The following PTPRU variants were observed in gnomAD, a reference collection of about 807,000 sequenced individuals.
PTPRU encodes the protein protein tyrosine phosphatase receptor type U.
A neutral mutation model predicts 166.3 loss-of-function variants in PTPRU; 69 were observed. The ratio of observed to expected loss-of-function variants is 0.41; its 90% CI spans 0.34 to 0.51. The LOEUF (loss-of-function observed/expected upper bound fraction) is 0.51. Among genes scored for constraint, PTPRU ranks in the 20% least tolerant of loss-of-function variants. The pLI is 0.09. For missense variants in PTPRU, 1,657 were observed against 2,013.7 expected (o/e 0.82, Z 3.39); for synonymous variants, 793 against 814.0 (o/e 0.97, Z 0.44).
intron 15 of PTPRU, among the ~76,000 whole-genome samples, chr1:29,299,904 C>T (rs1687060696): frequency 6.6e-6 from 1 of 152,110 alleles, no homozygotes. Flanking sequence ...TTTTAGGTCC[C>T]AGACCCAAGA....
intron 7 of PTPRU, among the ~76,000 whole-genome samples, chr1:29,270,941 C>T (rs1685533411): frequency 6.6e-6 from 1 of 152,150 alleles, no homozygotes; most frequent in Non-Finnish European, 1.5e-5. Flanking sequence ...GACAGTGAGA[C>T]TGTGTCTCAA....
In PTPRU at chr1:29,304,036, G is replaced by C. The variant is rs143923802; in HGVS notation, c.2658G>C (p.Gln886His). ...MKTAEGYGFK[Q>H]EYESFFEGWD... The stretch of plus-strand genomic sequence containing the variant: ...CGGCCGAGGGTTACGGCTTCAAGCA[G>C]GAGTATGAGGTGCACGCCGGCCCCG... Residue 886 changes from glutamine (Q) to histidine (H), a missense_variant, in exon 16 of 30, where the codon CAG (glutamine) becomes CAC (histidine). Physicochemically the swap from Gln to His is conservative, Grantham distance 24 (BLOSUM62 0). This residue lies in a region of PTPRU where 1,190 missense variants were observed against 1,477.4 expected (regional missense o/e 0.81). Coordinates refer to ENST00000373779, the MANE Select transcript of PTPRU (RefSeq NM_133178.4). 5.6e-6 allele frequency: 9 copies of C among 1,604,158 alleles called. No homozygotes were observed. Among genetic ancestry groups the C allele is most frequent in the Non-Finnish European group, 7.7e-6 (9 of 1,173,408 alleles).
chr1:29,305,391 AC>A lies in PTPRU; in HGVS notation c.2787del (p.Asn930MetfsTer10), dbSNP rs1236327092. 2 of 1,613,930 alleles carry A rather than the reference AC, an allele frequency of 1.2e-6. No homozygotes were observed. Among genetic ancestry groups the A allele is most frequent in the Non-Finnish European group, 1.7e-6 (2 of 1,180,020 alleles). On this transcript the variant is annotated frameshift_variant, in exon 18 of 30. Transcript: ENST00000373779. LOFTEE classifies it high-confidence loss of function. ...HRVKLHPMLG[D>X]PNADYINANY... is the part of the protein sequence containing the mutation. ...GTGAAACTGCACCCGATGCTGGGAG[AC>A]CCCAATGCCGACTACATTAATGCCA... is the stretch of plus-strand genomic sequence containing the variant.
intron 15 of PTPRU, among the ~76,000 whole-genome samples, chr1:29,301,538 T>C (rs906256786): frequency 6.6e-6 from 1 of 152,244 alleles, no homozygotes; most frequent in African/African-American, 2.4e-5. Context: ...AAACAGCCTC[T>C]GGCAGGTCCT....
chr1:29,323,123 T>G, intron 26 of PTPRU: 1 of 483,486 alleles, frequency 2.1e-6, no homozygotes, highest in Admixed American at 3.3e-5. Context: ...ATCAGTGCAG[T>G]TTGCAAAGGG....
At chr1:29,309,753 C>G (rs915899296) in intron 18 of PTPRU, among the ~76,000 whole-genome samples, 1 of 152,194 alleles carries the variant, frequency 6.6e-6, no homozygotes, top group African/African-American at 2.4e-5. Context: ...AGAGGTAGAG[C>G]TGGGATTTGA....
intron 16 of PTPRU, among the ~76,000 whole-genome samples, chr1:29,304,478 A>T (rs1267658367): frequency 2.6e-5 from 4 of 151,908 alleles, no homozygotes; most frequent in Non-Finnish European, 4.4e-5. Context: ...CCTCACCTTT[A>T]CCTTCTTTCT....
At chr1:29,284,104 G>A (rs1224404498) in intron 13 of PTPRU, 128 bp downstream of exon 13, 20 of 1,164,518 alleles carry the variant, frequency 1.7e-5, no homozygotes, top group Non-Finnish European at 2.3e-5. Context: ...CTGGGGCCAG[G>A]AGGGGCTTCC....
intron 7 of PTPRU, among the ~76,000 whole-genome samples, chr1:29,269,953 G>A (rs908216539): frequency 6.6e-6 from 1 of 151,986 alleles, no homozygotes; most frequent in Middle Eastern, 3.2e-3. Flanking sequence ...TCCATTGAAT[G>A]TCCCCATTTA....
At chr1:29,273,034 C>G (rs1462040993) in intron 7 of PTPRU, among the ~76,000 whole-genome samples, 2 of 151,834 alleles carry the variant, frequency 1.3e-5, no homozygotes, top group Non-Finnish European at 2.9e-5. Context: ...TAGCTGGGGA[C>G]ACTTTGCAGG....
At position 29,271,373 on chromosome 1, in the gene PTPRU, G is replaced by GCT. The variant is rs1685551315; in HGVS notation, c.1145-4073_1145-4072dup. ...AGTCTGTAGTCAACAAACTATTTGA[G>GCT]CTCCCTGGATCTGTCCAGATATGAT... On this transcript the variant is annotated intron_variant, in intron 7 of 29. Transcript: ENST00000373779. This position sits in a 1 kb window ranked among gnomAD's most constrained non-coding sequence, Gnocchi z 4.4. Among the ~76,000 whole-genome samples, 1 of 152,132 alleles carries GCT rather than the reference G, an allele frequency of 6.6e-6. No individual in the cohort carries two copies. Among genetic ancestry groups the GCT allele is most frequent in the Non-Finnish European group, 1.5e-5 (1 of 68,030 alleles).
At position 29,271,580 on chromosome 1, in the gene PTPRU, G is replaced by A. The variant is rs959011762; in HGVS notation, c.1145-3868G>A. ...AAGGTGATTTGAAGAAGCTTGAGTA[G>A]GTTGCCAGTATTTAAAAATCTGGAG... is the stretch of plus-strand genomic sequence containing the variant. On this transcript the variant is annotated intron_variant, in intron 7 of 29. Coordinates refer to ENST00000373779, the MANE Select transcript of PTPRU (RefSeq NM_133178.4). The surrounding 1 kb of genome is among the most constrained non-coding windows in gnomAD (Gnocchi z 4.4). Among the ~76,000 whole-genome samples the A allele has an allele frequency of 6.6e-6, 1 of 152,116 alleles. No homozygotes were observed. Among genetic ancestry groups the A allele is most frequent in the African/African-American group, 2.4e-5 (1 of 41,402 alleles).
At chr1:29,286,183 G>C (rs910879771) in intron 14 of PTPRU, among the ~76,000 whole-genome samples, 12 of 152,194 alleles carry the variant, frequency 7.9e-5, no homozygotes, top group African/African-American at 2.4e-4. Flanking sequence ...AGATGGGGGG[G>C]ATGGCCCAGC....
Position 29,272,830 on chromosome 1 carries a change from C to T in PTPRU, c.1145-2618C>T, listed in dbSNP as rs112916035. On this transcript the variant is annotated intron_variant, in intron 7 of 29. Coordinates refer to ENST00000373779, the MANE Select transcript of PTPRU (RefSeq NM_133178.4). ...ACTGAGGCAGGAGGATCACTTGAGC[C>T]GGGGAGATCAAGGCTGCAGTGAGCC... is the stretch of plus-strand genomic sequence containing the variant. Among the ~76,000 whole-genome samples, 235 of 138,140 alleles carry T rather than the reference C, an allele frequency of 1.7e-3. 1 individual carries two copies. Among genetic ancestry groups the T allele is most frequent in the African/African-American group, 6.0e-3 (221 of 36,588 alleles). 90.6% of individuals were successfully genotyped at this position (138,140 alleles called of 152,430 possible).
chr1:29,305,180 C>A (rs988745988), intron 17 of PTPRU, among the ~76,000 whole-genome samples, 172 bp from the exon 18 acceptor site: 5 of 152,258 alleles, frequency 3.3e-5, no homozygotes, highest in South Asian at 4.1e-4. Context: ...GGCTCTACCC[C>A]CTGGTGTGTC....
chr1:29,274,749 G>T (rs1410630828), intron 7 of PTPRU, among the ~76,000 whole-genome samples: 1 of 152,076 alleles, frequency 6.6e-6, no homozygotes, highest in Non-Finnish European at 1.5e-5. Flanking sequence ...GGTGAACTGT[G>T]CTATTAAAAA....
In PTPRU at chr1:29,236,620, C is replaced by G. The variant is rs1350098471; in HGVS notation, c.-25C>G. 2.4e-6 allele frequency: 3 copies of G among 1,230,864 alleles called. No individual in the cohort carries two copies. The highest frequency in any genetic ancestry group is 3.0e-6 in the Non-Finnish European group (3 of 986,946). The allele number at this position is 1,230,864 out of a possible 1,614,324, so 76.2% of individuals were successfully genotyped here. ...GGGCGGCGTCCCCCGCGCCGGGCCC[C>G]GGGACGGGCGGCGACGCTCCAACCA... On this transcript the variant is annotated 5_prime_UTR_variant, in exon 1 of 30. Transcript: ENST00000373779. This position sits in a 1 kb window ranked among gnomAD's most constrained non-coding sequence, Gnocchi z 4.6.
In PTPRU at chr1:29,284,777, G is replaced by T. The variant is rs779491423; in HGVS notation, c.2226G>T (p.Ser742=). The change falls in exon 14 of 30, where the codon TCG becomes TCT. Residue 742 remains serine (S), a synonymous_variant. Coordinates refer to ENST00000373779, the MANE Select transcript of PTPRU (RefSeq NM_133178.4). Reference sequence around the variant, plus strand: ...GGCCCCTGGAGGTGTCCCAGAGATCGGAGGAGATGGGGCTTATCCTGGGCA... The same window carrying T: ...GGCCCCTGGAGGTGTCCCAGAGATCTGAGGAGATGGGGCTTATCCTGGGCA... ...SKRPLEVSQR[S]EEMGLILGIC... The T allele has an allele frequency of 6.2e-7, 1 of 1,613,972 alleles. No homozygotes were observed. Among genetic ancestry groups the T allele is most frequent in the Non-Finnish European group, 8.5e-7 (1 of 1,180,000 alleles).
At position 29,280,671 on chromosome 1, in the gene PTPRU, G is replaced by GTA. The variant is rs1206764782; in HGVS notation, c.1868+531_1868+532insAT. 1.3e-5 allele frequency among the ~76,000 whole-genome samples: 2 copies of GTA among 151,872 alleles called. No individual in the cohort carries two copies. The highest frequency in any genetic ancestry group is 2.9e-5 in the Non-Finnish European group (2 of 67,952). On this transcript the variant is annotated intron_variant, in intron 11 of 29. Coordinates refer to ENST00000373779, the MANE Select transcript of PTPRU (RefSeq NM_133178.4). This position sits in a 1 kb window ranked among gnomAD's most constrained non-coding sequence, Gnocchi z 4.2. ...AGACTGTGTGTGTGTGTGTGTGTGT[G>GTA]TGTGTGTGTATGTGGGATGTGAAAC...
Sources: gnomAD v4.1 joint callset for allele counts (sites outside exome capture counted in the v4.1 genomes callset) on GRCh38, gnomAD v4.1.1 for gene constraint, gnomAD v4.1.1 regional missense constraint, Gnocchi (gnomAD v3.1) non-coding constraint, MANE v1.5 for transcripts, NCBI Gene and HGNC (gene_info 2026-07-23, HGNC 2026-07-21) for gene names.